CERKL: variants seen among roughly 807,000 people sequenced by gnomAD.
CERKL encodes the protein ceramide kinase-like protein.
CERKL carries 61 observed loss-of-function variants against 63.4 expected under a neutral mutation model. That is an observed-to-expected ratio of 0.96 (90% confidence interval 0.78 to 1.19). CERKL has a LOEUF of 1.19. Ranked by LOEUF, CERKL falls within the 50% of genes most tolerant of loss-of-function variation. CERKL has a pLI of 0.00. For missense variants in CERKL, 675 were observed against 655.5 expected, an observed-to-expected ratio of 1.03 and a Z score of -0.33; for synonymous variants, 250 against 230.5, an observed-to-expected ratio of 1.08 and a Z score of -0.77.
rs1416379258 is a variant in CERKL at position 181,537,412 on chromosome 2, TTGTTATCAACTTACTTTG to T, written c.*754_*771del. The T allele has an allele frequency of 2.2e-6, 1 of 453,878 alleles. No homozygotes were observed. The highest frequency in any genetic ancestry group is 4.4e-6 in the Non-Finnish European group (1 of 226,746). 28.1% of individuals were successfully genotyped at this position (453,878 alleles called of 1,614,324 possible). A position where few individuals can be genotyped will look rare whatever the true frequency, so the allele number is the denominator to read the frequency against. On this transcript the variant is annotated 3_prime_UTR_variant, in exon 13 of 13. Transcript: ENST00000410087. ...GATTTTGCCCAGTTCAAAATAGTATTTGTTATCAACTTACTTTGTTACTTGTATCATGAATTTTAAAAC... is the reference window on the plus strand; with the variant it reads ...GATTTTGCCCAGTTCAAAATAGTATTTTACTTGTATCATGAATTTTAAAAC...
chr2:181,642,744 A>T (rs6734501), intron 1 of CERKL, among the ~76,000 whole-genome samples: 66,871 of 150,274 alleles, frequency 0.44, 16,164 homozygotes, highest in South Asian at 0.78. Flanking sequence ...TATTTTTTTT[A>T]AAATCTTTGA....
rs1174201984 is a variant in CERKL, at chr2:181,537,606, G to A, written c.*578C>T. 5 of 430,394 alleles carry A rather than the reference G, an allele frequency of 1.2e-5. No individual in the cohort carries two copies. Among genetic ancestry groups the A allele is most frequent in the Admixed American group, 2.7e-5 (1 of 37,004 alleles). The allele number at this position is 430,394 out of a possible 1,614,324, so 26.7% of individuals were successfully genotyped here. On this transcript the variant is annotated 3_prime_UTR_variant, in exon 13 of 13. Coordinates refer to ENST00000410087, the MANE Select transcript of CERKL (RefSeq NM_201548.5). ...TGTATTATATTTGTAACAGAATATA[G>A]GAAATTTAACATAATTGATGAGCTC... is the stretch of plus-strand genomic sequence containing the variant.
intron 1 of CERKL, among the ~76,000 whole-genome samples, chr2:181,624,241 A>G (rs1275224043): frequency 6.6e-6 from 1 of 152,120 alleles, no homozygotes; most frequent in African/African-American, 2.4e-5. Flanking sequence ...TAAAATTAAC[A>G]TCTGGGCCAG....
intron 1 of CERKL, among the ~76,000 whole-genome samples, chr2:181,618,447 C>T (rs1230553152): frequency 6.6e-6 from 1 of 151,724 alleles, no homozygotes. Context: ...GACAGAGTCT[C>T]ACTCTGTTGC....
chr2:181,600,780 C>T (rs1685425062), intron 2 of CERKL, among the ~76,000 whole-genome samples: 1 of 152,194 alleles, frequency 6.6e-6, no homozygotes, highest in African/African-American at 2.4e-5. Flanking sequence ...ACCCCACTCA[C>T]AGCACCAGAC....
At chr2:181,638,139 A>AT (rs970565311) in intron 1 of CERKL, among the ~76,000 whole-genome samples, 6 of 152,192 alleles carry the variant, frequency 3.9e-5, no homozygotes, top group Non-Finnish European at 5.9e-5. Context: ...CCTATGATAC[A>AT]TTTTTTCTTT....
intron 11 of CERKL, among the ~76,000 whole-genome samples, chr2:181,540,714 AGACG>A (rs1687465612): frequency 6.6e-6 from 1 of 152,200 alleles, no homozygotes; most frequent in Admixed American, 6.6e-5. Context: ...GTGAAGCCAC[AGACG>A]CTGTTAAGTG....
chr2:181,537,995 C>T lies in CERKL; in HGVS notation c.*189G>A, dbSNP rs1007716993. 4.4e-6 allele frequency: 3 copies of T among 677,336 alleles called. No individual in the cohort carries two copies. The highest frequency in any genetic ancestry group is 2.8e-5 in the East Asian group (1 of 35,274). 42.0% of individuals were successfully genotyped at this position (677,336 alleles called of 1,614,324 possible). A position where few individuals can be genotyped will look rare whatever the true frequency, so the allele number is the denominator to read the frequency against. On this transcript the variant is annotated 3_prime_UTR_variant, in exon 13 of 13. Coordinates refer to ENST00000410087, the MANE Select transcript of CERKL (RefSeq NM_201548.5). ...GTGAGGGATCTAGAGTGCCATGTTC[C>T]TCAAGAGAATCTAATGCCTGATGAT... is the stretch of plus-strand genomic sequence containing the variant.
intron 11 of CERKL, among the ~76,000 whole-genome samples, chr2:181,539,826 C>T (rs896172998): frequency 2.0e-5 from 3 of 152,174 alleles, no homozygotes; most frequent in Admixed American, 1.3e-4. Context: ...TTACTTACCA[C>T]TATAGAATGG....
intron 2 of CERKL, among the ~76,000 whole-genome samples, chr2:181,602,362 T>C (rs1685492049): frequency 6.6e-6 from 1 of 152,258 alleles, no homozygotes; most frequent in African/African-American, 2.4e-5. Flanking sequence ...TCAATTTACT[T>C]CCACTGAAAT....
chr2:181,565,409 G>A (rs1331461520), intron 4 of CERKL: 4 of 1,565,018 alleles, frequency 2.6e-6, no homozygotes, highest in Non-Finnish European at 3.5e-6. Context: ...TTTAAAAAAT[G>A]GCAATGAAAT....
intron 1 of CERKL, among the ~76,000 whole-genome samples, chr2:181,613,447 T>C (rs1686059513): frequency 6.6e-6 from 1 of 152,198 alleles, no homozygotes; most frequent in Admixed American, 6.5e-5. Context: ...CTGAAAATCC[T>C]TGTAAGGCTC....
At chr2:181,623,129 A>G (rs1300709362) in intron 1 of CERKL, among the ~76,000 whole-genome samples, 1 of 152,228 alleles carries the variant, frequency 6.6e-6, no homozygotes, top group Non-Finnish European at 1.5e-5. Flanking sequence ...CATAAGTCAT[A>G]CTTAAAATGA....
intron 2 of CERKL, among the ~76,000 whole-genome samples, chr2:181,586,758 T>G (rs1684785251): frequency 6.6e-6 from 1 of 152,000 alleles, no homozygotes; most frequent in African/African-American, 2.4e-5. Flanking sequence ...CCGTGAAGGG[T>G]GGGGGTTAAT....
At chr2:181,578,255 T>TGGG (rs1239941352) in intron 2 of CERKL, among the ~76,000 whole-genome samples, 27 of 128,080 alleles carry the variant, frequency 2.1e-4, no homozygotes, top group African/African-American at 8.0e-4. Context: ...TATATATGTG[T>TGGG]GTGGGGGGGT....
intron 1 of CERKL, among the ~76,000 whole-genome samples, chr2:181,625,066 C>G (rs1686624954): frequency 6.6e-6 from 1 of 152,070 alleles, no homozygotes; most frequent in African/African-American, 2.4e-5. Flanking sequence ...AATAAGAAGT[C>G]AGAGGACAGA....
chr2:181,627,756 C>A (rs1686776491), intron 1 of CERKL, among the ~76,000 whole-genome samples: 1 of 152,160 alleles, frequency 6.6e-6, no homozygotes, highest in Admixed American at 6.5e-5. Flanking sequence ...TTCCCACACC[C>A]CATGGCTGTA....
Position 181,537,455 on chromosome 2 carries a change from C to A in CERKL, c.*729G>T, listed in dbSNP as rs1358799117. On this transcript the variant is annotated 3_prime_UTR_variant, in exon 13 of 13. Coordinates refer to ENST00000410087, the MANE Select transcript of CERKL (RefSeq NM_201548.5). ...GTTACTTGTATCATGAATTTTAAAA[C>A]CCTACCACTTTAAGAAGACAGGGAT... is the stretch of plus-strand genomic sequence containing the variant. The A allele has an allele frequency of 8.9e-6, 4 of 448,662 alleles. No individual in the cohort carries two copies. Among genetic ancestry groups the A allele is most frequent in the Non-Finnish European group, 1.8e-5 (4 of 223,066 alleles). 27.8% of individuals were successfully genotyped at this position (448,662 alleles called of 1,614,324 possible).
At chr2:181,582,516 C>CATATATATATATATATATATATATATAT (rs59483712) in intron 2 of CERKL, among the ~76,000 whole-genome samples, 4 of 142,894 alleles carry the variant, frequency 2.8e-5, no homozygotes, top group African/African-American at 1.0e-4. Flanking sequence ...ATATTGTCAA[C>CATATATATATATATATATATATATATAT]ATATATATAT....
Sources: gnomAD v4.1 joint callset for allele counts (sites outside exome capture counted in the v4.1 genomes callset) on GRCh38, gnomAD v4.1.1 for gene constraint, MANE v1.5 for transcripts, NCBI Gene and HGNC (gene_info 2026-07-23, HGNC 2026-07-21) for gene names.